Variants in CDC5L observed in about 807,000 individuals in gnomAD.
CDC5L encodes the protein cell division cycle 5-like protein.
In CDC5L, 18 loss-of-function variants were observed where a neutral mutation model predicts 104.1. That is an observed-to-expected ratio of 0.17 (90% CI 0.12 to 0.26). The LOEUF is 0.26. Among genes scored for constraint, CDC5L ranks in the 10% least tolerant of loss-of-function variants. The pLI is 1.00. For missense variants in CDC5L, 673 were observed against 956.9 expected, an observed-to-expected ratio of 0.70 and a Z score of 3.91; for synonymous variants, 331 against 322.7, an observed-to-expected ratio of 1.03 and a Z score of -0.28.
At position 44,409,276 on chromosome 6, in the gene CDC5L, T is replaced by C. The variant is rs566994848; in HGVS notation, c.1092+644T>C. The stretch of plus-strand genomic sequence containing the variant: ...GTTTTACTTACCGCTAAAAGATCTT[T>C]GTTACTCATTGACCATTTTCAGTTT... On this transcript the variant is annotated intron_variant, in intron 8 of 15. Coordinates refer to ENST00000371477, the MANE Select transcript of CDC5L (RefSeq NM_001253.4). Among the ~76,000 whole-genome samples the C allele has an allele frequency of 3.9e-5, 6 of 152,366 alleles. No individual in the cohort carries two copies. In the East Asian group the frequency reaches 7.7e-4, roughly 20 times the overall value.
At chr6:44,405,884 T>C (rs1403297723) in intron 6 of CDC5L, among the ~76,000 whole-genome samples, 1 of 152,026 alleles carries the variant, frequency 6.6e-6, no homozygotes, top group Non-Finnish European at 1.5e-5. Context: ...ATGTATATTG[T>C]TTTTACCTTT....
At chr6:44,426,292 G>T in intron 12 of CDC5L, 109 bp downstream of exon 12, 2 of 816,318 alleles carry the variant, frequency 2.5e-6, no homozygotes, top group Non-Finnish European at 3.9e-6. Context: ...CTACTTTCTG[G>T]AATATAGCAA....
At position 44,426,122 on chromosome 6, in the gene CDC5L, G is replaced by C. The variant is rs550214338; in HGVS notation, c.1589G>C (p.Arg530Pro). 1.2e-6 allele frequency: 2 copies of C among 1,605,894 alleles called. No individual in the cohort carries two copies. The highest frequency in any genetic ancestry group is 1.7e-6 in the Non-Finnish European group (2 of 1,175,236). Residue 530 changes from arginine to proline, a missense_variant, in exon 12 of 16, where the codon CGT becomes CCT. Physicochemically the swap from Arg to Pro is moderately radical, Grantham distance 103. Transcript: ENST00000371477. ...TTTTAGGCCATACGAGATGCAGAGCGTGTAAAGGAAATGAAACGAATGCAT... is the reference window on the plus strand; with the variant it reads ...TTTTAGGCCATACGAGATGCAGAGCCTGTAAAGGAAATGAAACGAATGCAT... ...ARKQAIRDAE[R>P]VKEMKRMHKA...
At chr6:44,408,848 T>C (rs1791498759) in intron 8 of CDC5L, among the ~76,000 whole-genome samples, 1 of 152,234 alleles carries the variant, frequency 6.6e-6, no homozygotes, top group Non-Finnish European at 1.5e-5. Context: ...AAATTCGTAA[T>C]TTTTTGAAGC....
At chr6:44,395,059 A>G (rs1447857863) in intron 4 of CDC5L, among the ~76,000 whole-genome samples, 7 of 152,156 alleles carry the variant, frequency 4.6e-5, no homozygotes, top group African/African-American at 2.4e-5. Flanking sequence ...TGTGGGAGCT[A>G]AAAGCGTTGA....
At chr6:44,400,993 C>T (rs563852801) in intron 5 of CDC5L, among the ~76,000 whole-genome samples, 7 of 152,322 alleles carry the variant, frequency 4.6e-5, no homozygotes, top group African/African-American at 1.7e-4. Context: ...CTCTTATTCC[C>T]TGTTTCTCTC....
intron 4 of CDC5L, among the ~76,000 whole-genome samples, chr6:44,394,931 G>T (rs1373549116): frequency 7.2e-6 from 1 of 138,858 alleles, no homozygotes; most frequent in Non-Finnish European, 1.5e-5. Flanking sequence ...AATACTATTT[G>T]GTCATAAAAA....
At chr6:44,441,005 G>A (rs1246161234) in intron 14 of CDC5L, among the ~76,000 whole-genome samples, 1 of 152,108 alleles carries the variant, frequency 6.6e-6, no homozygotes, top group Admixed American at 6.5e-5. Context: ...ACCATGCCCA[G>A]CCTAAAAATC....
At chr6:44,429,095 C>T (rs1269969311) in intron 13 of CDC5L, among the ~76,000 whole-genome samples, 4 of 147,270 alleles carry the variant, frequency 2.7e-5, no homozygotes, top group Non-Finnish European at 4.4e-5. Flanking sequence ...GATCCCAGCT[C>T]ACTGCAGCCT....
chr6:44,444,311 C>T (rs1418594316), intron 14 of CDC5L, among the ~76,000 whole-genome samples: 1 of 152,150 alleles, frequency 6.6e-6, no homozygotes, highest in Non-Finnish European at 1.5e-5. Context: ...CCTCTGTTTT[C>T]TGTGGTTTAG....
Position 44,426,197 on chromosome 6 carries a change from T to A in CDC5L, c.1650+14T>A, listed in dbSNP as rs760604426. ...AGACCATCAGAAGTAAGTGTTAGAA[T>A]TTCTGGTTTAGGAAGTTTTAAGTTT... is the stretch of plus-strand genomic sequence containing the variant. On this transcript the variant is annotated intron_variant, in intron 12 of 15. Coordinates refer to ENST00000371477, the MANE Select transcript of CDC5L (RefSeq NM_001253.4). 6.3e-7 allele frequency: 1 copy of A among 1,576,016 alleles called. No homozygotes were observed.
At chr6:44,396,494 A>C in intron 5 of CDC5L, 54 bp downstream of exon 5, 1 of 1,103,902 alleles carries the variant, frequency 9.1e-7, no homozygotes, top group Non-Finnish European at 1.4e-6. Context: ...ATAACAATCA[A>C]CACAGAATAC....
At chr6:44,405,051 GAAA>G (rs1173926466) in intron 6 of CDC5L, among the ~76,000 whole-genome samples, 1 of 152,042 alleles carries the variant, frequency 6.6e-6, no homozygotes, top group Admixed American at 6.6e-5. Context: ...GAAATTAAAA[GAAA>G]AAACTTACTG....
intron 8 of CDC5L, 22 bp downstream of exon 8, chr6:44,408,654 T>C: frequency 6.5e-7 from 1 of 1,544,090 alleles, no homozygotes. Context: ...CGTAGTAGAA[T>C]GAGGCTTTTA....
intron 4 of CDC5L, among the ~76,000 whole-genome samples, chr6:44,395,101 C>G (rs1790810578): frequency 6.6e-6 from 1 of 151,894 alleles, no homozygotes; most frequent in Non-Finnish European, 1.5e-5. Context: ...TGATAGATGC[C>G]AGAGGCTGGG....
intron 10 of CDC5L, 34 bp from the exon 11 acceptor site, chr6:44,424,385 G>C: frequency 6.3e-7 from 1 of 1,591,300 alleles, no homozygotes; most frequent in Middle Eastern, 1.7e-4. Context: ...TGTTTAATAT[G>C]CATGAATTGA....
intron 4 of CDC5L, among the ~76,000 whole-genome samples, chr6:44,393,980 C>T (rs897689736): frequency 1.3e-5 from 2 of 152,218 alleles, no homozygotes; most frequent in African/African-American, 4.8e-5. Flanking sequence ...ATTCTGTCAG[C>T]AGTGTTCTTA....
At chr6:44,388,675 CTTT>C (rs975766196) in intron 1 of CDC5L, among the ~76,000 whole-genome samples, 1 of 131,024 alleles carries the variant, frequency 7.6e-6, no homozygotes, top group Non-Finnish European at 1.7e-5. Flanking sequence ...TTTATGGCTT[CTTT>C]TTTTTTTTTT....
At chr6:44,387,941 G>GGGA in intron 1 of CDC5L, 73 bp downstream of exon 1, 2 of 1,431,310 alleles carry the variant, frequency 1.4e-6, no homozygotes, top group Non-Finnish European at 1.9e-6. Context: ...CGCGGAGGTC[G>GGGA]GGGGGGCGAC....
Sources: gnomAD v4.1 joint callset for allele counts (sites outside exome capture counted in the v4.1 genomes callset) on GRCh38, gnomAD v4.1.1 for gene constraint, MANE v1.5 for transcripts, NCBI Gene and HGNC (gene_info 2026-07-23, HGNC 2026-07-21) for gene names.